Variants in NRXN3 observed in about 807,000 individuals in gnomAD.
NRXN3 encodes neurexin 3.
In NRXN3, 32 loss-of-function variants were observed where a neutral mutation model predicts 137.6. That is an observed-to-expected ratio of 0.23 (90% CI 0.18 to 0.31). The LOEUF (loss-of-function observed/expected upper bound fraction) is 0.31. Ranked by LOEUF, NRXN3 falls within the 10% of genes least tolerant of loss-of-function variation. The pLI, the probability that NRXN3 is intolerant of heterozygous loss-of-function variation, is 1.00. For missense variants in NRXN3, 1,574 were observed against 2,062.5 expected (o/e 0.76, Z 4.59); for synonymous variants, 798 against 784.5 (o/e 1.02, Z -0.29).
At chr14:79,767,664 C>T (rs1022958825) in intron 19 of NRXN3, among the ~76,000 whole-genome samples, 2 of 152,162 alleles carry the variant, frequency 1.3e-5, no homozygotes, top group African/African-American at 4.8e-5. Flanking sequence ...ATTCTCATAA[C>T]AGTCCCTATT....
At chr14:79,143,077 T>C (rs545228866) in intron 15 of NRXN3, among the ~76,000 whole-genome samples, 1 of 152,374 alleles carries the variant, frequency 6.6e-6, no homozygotes, top group East Asian at 1.9e-4. Context: ...GGCAGCCCTC[T>C]GCACTGTATT....
chr14:78,190,401 C>T (rs1027895017), intron 1 of NRXN3, among the ~76,000 whole-genome samples: 16 of 152,180 alleles, frequency 1.1e-4, no homozygotes, highest in Non-Finnish European at 2.2e-4. Flanking sequence ...TGGAATTCCA[C>T]CTCCCAGAAA....
At chr14:78,504,876 C>T (rs1362478324) in intron 4 of NRXN3, among the ~76,000 whole-genome samples, 1 of 152,108 alleles carries the variant, frequency 6.6e-6, no homozygotes, top group Non-Finnish European at 1.5e-5. Context: ...TTCAAGTGGG[C>T]CCGACTTACT....
chr14:78,189,920 T>C (rs1313208990), intron 1 of NRXN3, among the ~76,000 whole-genome samples: 1 of 152,152 alleles, frequency 6.6e-6, no homozygotes, highest in Non-Finnish European at 1.5e-5. Context: ...AGCACTTTCC[T>C]CCCCTAGCAC....
At position 79,008,538 on chromosome 14, in the gene NRXN3, C is replaced by T. The variant is rs1416423892; in HGVS notation, c.3262+20397C>T. Reference sequence around the variant, plus strand: ...AGTATAATTACTTTGAGCTTGCCAGCGTAAGTTTCCTCCTACTCTCTCCCT... The same window carrying T: ...AGTATAATTACTTTGAGCTTGCCAGTGTAAGTTTCCTCCTACTCTCTCCCT... On this transcript the variant is annotated intron_variant, in intron 15 of 20. Coordinates refer to ENST00000335750, the MANE Select transcript of NRXN3 (RefSeq NM_001330195.2). 2.6e-5 allele frequency among the ~76,000 whole-genome samples: 4 copies of T among 150,980 alleles called. No homozygotes were observed. In the South Asian group the frequency reaches 6.4e-4, roughly 24 times the overall value.
At position 79,595,500 on chromosome 14, in the gene NRXN3, ATTC is replaced by A. The variant is rs747107890; in HGVS notation, c.3445-68275_3445-68273del. 1.1e-4 allele frequency among the ~76,000 whole-genome samples: 16 copies of A among 152,178 alleles called. 1 individual carries two copies. The East Asian group carries it at 1.5e-3, about 15-fold the overall frequency. On this transcript the variant is annotated intron_variant, in intron 16 of 20. Transcript: ENST00000335750. ...TAGTATGAATAAGCAGATAATTTTAATTCTTATTTCAGTATAATTTCCATTTAA... is the reference window on the plus strand; with the variant it reads ...TAGTATGAATAAGCAGATAATTTTAATTATTTCAGTATAATTTCCATTTAA...
chr14:79,853,637 G>A (rs759297657), intron 20 of NRXN3: 39 of 1,343,392 alleles, frequency 2.9e-5, no homozygotes, highest in Non-Finnish European at 3.8e-5. Flanking sequence ...CTCCTGTGTA[G>A]TTCACTCATA....
intron 15 of NRXN3, among the ~76,000 whole-genome samples, chr14:79,008,988 A>G (rs1347253755): frequency 6.6e-6 from 1 of 151,856 alleles, no homozygotes; most frequent in Admixed American, 6.6e-5. Context: ...TTCAAGTTAG[A>G]TGGTTTAAGT....
At chr14:78,544,236 G>C (rs1280997473) in intron 4 of NRXN3, among the ~76,000 whole-genome samples, 1 of 152,200 alleles carries the variant, frequency 6.6e-6, no homozygotes, top group African/African-American at 2.4e-5. Flanking sequence ...AGTGAACAGA[G>C]AGGATATGAG....
intron 20 of NRXN3, among the ~76,000 whole-genome samples, chr14:79,809,187 C>G (rs914352689): frequency 1.3e-5 from 2 of 152,298 alleles, no homozygotes; most frequent in African/African-American, 4.8e-5. Context: ...AACCTATTGA[C>G]TCATTTAAAA....
At chr14:79,669,419 A>G (rs2098593658) in intron 17 of NRXN3, among the ~76,000 whole-genome samples, 1 of 152,096 alleles carries the variant, frequency 6.6e-6, no homozygotes, top group South Asian at 2.1e-4. Flanking sequence ...CACTCAAACT[A>G]GTGTATCTTG....
chr14:78,788,525 A>T (rs561511875), intron 8 of NRXN3, among the ~76,000 whole-genome samples: 2 of 152,138 alleles, frequency 1.3e-5, no homozygotes, highest in Non-Finnish European at 2.9e-5. Context: ...TGAGAATGAG[A>T]TCTGGGTATT....
chr14:78,383,100 T>C (rs1399994841), intron 4 of NRXN3, among the ~76,000 whole-genome samples: 1 of 152,188 alleles, frequency 6.6e-6, no homozygotes, highest in Non-Finnish European at 1.5e-5. Flanking sequence ...CTTGCCAGAC[T>C]CTGTCCTGGA....
chr14:79,702,656 C>T (rs183282568), intron 19 of NRXN3, among the ~76,000 whole-genome samples: 2 of 152,090 alleles, frequency 1.3e-5, no homozygotes, highest in Admixed American at 6.6e-5. Flanking sequence ...TGGCCTGAAA[C>T]TTTGCCAAGT....
At position 79,279,923 on chromosome 14, in the gene NRXN3, G is replaced by A. The variant is rs1013866999; in HGVS notation, c.3263-187298G>A. ...CACCTTTCCTCTGTGTGGCTCCCGG[G>A]AGTGTGCGGTTAAGTCATCAGACTC... On this transcript the variant is annotated intron_variant, in intron 15 of 20. Transcript: ENST00000335750. 5 of 1,066,346 alleles carry A rather than the reference G, an allele frequency of 4.7e-6. No homozygotes were observed. The East Asian group carries it at 2.3e-4, about 50-fold the overall frequency. The allele number at this position is 1,066,346 out of a possible 1,614,324, so 66.1% of individuals were successfully genotyped here.
intron 10 of NRXN3, among the ~76,000 whole-genome samples, chr14:78,900,196 G>C (rs528819936): frequency 6.6e-6 from 1 of 151,524 alleles, no homozygotes; most frequent in Admixed American, 6.6e-5. Flanking sequence ...ACCCCAAACA[G>C]TGGGTTCTAT....
chr14:78,188,806 G>A (rs562672167), intron 1 of NRXN3, among the ~76,000 whole-genome samples: 2 of 152,048 alleles, frequency 1.3e-5, no homozygotes, highest in African/African-American at 2.4e-5. Context: ...CCTACCCTAC[G>A]GATTCCTACG....
intron 4 of NRXN3, among the ~76,000 whole-genome samples, chr14:78,332,596 G>A (rs2080967200): frequency 1.3e-5 from 2 of 152,112 alleles, no homozygotes; most frequent in Admixed American, 6.5e-5. Context: ...TTACAGGAGT[G>A]AGCCGCTGCA....
At chr14:79,082,754 T>G (rs1181757324) in intron 15 of NRXN3, among the ~76,000 whole-genome samples, 1 of 152,134 alleles carries the variant, frequency 6.6e-6, no homozygotes, top group Non-Finnish European at 1.5e-5. Context: ...TGTAGGGACA[T>G]CCAAGCAAAA....
Sources: allele counts gnomAD v4.1 joint callset (sites outside exome capture counted in the v4.1 genomes callset), GRCh38; gene constraint gnomAD v4.1.1; transcripts MANE v1.5; gene names NCBI Gene and HGNC (gene_info 2026-07-23, HGNC 2026-07-21).